Variants in CDH18 observed in about 807,000 individuals in gnomAD.
The protein encoded by CDH18 is cadherin 18, also known as cadherin-18.
Under a neutral mutation model 67.9 loss-of-function variants are expected in CDH18, and 31 were observed. The observed-to-expected ratio is 0.46, with a 90% CI of 0.34 to 0.62. The LOEUF is 0.62. Among genes scored for constraint, CDH18 ranks in the 20% least tolerant of loss-of-function variants. The probability of loss-of-function intolerance (pLI) is 0.01; values close to 1 mark genes in which losing one functional copy is unlikely to be tolerated. For synonymous variants in CDH18, 362 were observed against 347.2 expected (o/e 1.04, Z -0.48); for missense variants, 890 against 975.5 (o/e 0.91, Z 1.17).
intron 11 of CDH18, among the ~76,000 whole-genome samples, chr5:19,496,500 G>C (rs1579807658): frequency 6.6e-6 from 1 of 152,114 alleles, no homozygotes; most frequent in East Asian, 1.9e-4. Context: ...GTCCCATGAA[G>C]GAATTAATGC....
intron 1 of CDH18, among the ~76,000 whole-genome samples, chr5:20,423,672 G>T (rs1202841912): frequency 1.3e-5 from 2 of 150,962 alleles, no homozygotes; most frequent in African/African-American, 5.0e-5. Flanking sequence ...GAGGCCGGGC[G>T]CGGTGGCTCA....
At chr5:19,596,264 G>A (rs1180426373) in intron 6 of CDH18, among the ~76,000 whole-genome samples, 1 of 152,200 alleles carries the variant, frequency 6.6e-6, no homozygotes, top group East Asian at 1.9e-4. Flanking sequence ...TCAAAGAGAA[G>A]CCATGTGATT....
At chr5:20,382,487 C>T (rs1407052487) in intron 1 of CDH18, among the ~76,000 whole-genome samples, 1 of 152,012 alleles carries the variant, frequency 6.6e-6, no homozygotes, top group Non-Finnish European at 1.5e-5. Flanking sequence ...GCCAGAGTCA[C>T]TGTAGCTGTT....
intron 6 of CDH18, among the ~76,000 whole-genome samples, chr5:19,600,452 T>C (rs897466280): frequency 3.3e-5 from 5 of 151,430 alleles, no homozygotes; most frequent in Non-Finnish European, 7.4e-5. Flanking sequence ...AGCTGTTCTC[T>C]ATAACACTAA....
chr5:20,130,401 G>GTT (rs4002156), intron 2 of CDH18, among the ~76,000 whole-genome samples: 6 of 143,862 alleles, frequency 4.2e-5, no homozygotes, highest in African/African-American at 1.3e-4. Context: ...CTCTTCCTTA[G>GTT]TTTTTTTTTT....
At chr5:19,506,716 A>G (rs1561222364) in intron 10 of CDH18, among the ~76,000 whole-genome samples, 1 of 152,246 alleles carries the variant, frequency 6.6e-6, no homozygotes, top group East Asian at 1.9e-4. Flanking sequence ...GAAAGCTGAA[A>G]CTGGATCCCT....
At chr5:19,587,086 T>A (rs965666813) in intron 7 of CDH18, among the ~76,000 whole-genome samples, 1 of 152,110 alleles carries the variant, frequency 6.6e-6, no homozygotes, top group Admixed American at 6.5e-5. Flanking sequence ...ACATTTAAGA[T>A]ACTTATAGAT....
intron 3 of CDH18, among the ~76,000 whole-genome samples, chr5:19,779,397 G>A (rs1774824878): frequency 6.6e-6 from 1 of 152,142 alleles, no homozygotes; most frequent in South Asian, 2.1e-4. Flanking sequence ...GTTTTAAGTG[G>A]AGAATAAATT....
At position 20,007,950 on chromosome 5, in the gene CDH18, G is replaced by A. The variant is rs191959484; in HGVS notation, c.-517-15936C>T. ...AGCAGAATTGAGTAGTTTTGACAGAGACCATATGGCCTGCAAAGCTCAAAA... is the reference window on the plus strand; with the variant it reads ...AGCAGAATTGAGTAGTTTTGACAGAAACCATATGGCCTGCAAAGCTCAAAA... On this transcript the variant is annotated intron_variant, in intron 2 of 14. Transcript: ENST00000507958. 2.4e-4 allele frequency among the ~76,000 whole-genome samples: 36 copies of A among 152,080 alleles called. No individual in the cohort carries two copies. The East Asian group carries it at 6.8e-3, about 29-fold the overall frequency.
At position 19,984,750 on chromosome 5, in the gene CDH18, C is replaced by T. The variant is rs181791473; in HGVS notation, c.-376+3336G>A. On this transcript the variant is annotated intron_variant, in intron 1 of 12. Transcript: ENST00000382275. ...AAGAAAATGGCCTACAGATCAGACA[C>T]GCATGATGCGTTAATCCATGTCAGT... Among the ~76,000 whole-genome samples, 309 of 152,282 alleles carry T rather than the reference C, an allele frequency of 2.0e-3. 6 individuals are homozygous for T. Among genetic ancestry groups the T allele is most frequent in the Non-Finnish European group, 4.7e-4 (32 of 68,012 alleles).
chr5:20,366,610 C>A (rs1031291602), intron 1 of CDH18, among the ~76,000 whole-genome samples: 2 of 152,192 alleles, frequency 1.3e-5, no homozygotes, highest in African/African-American at 4.8e-5. Context: ...TGGCAAGCGG[C>A]TTTACCTCTT....
At chr5:19,572,823 C>T (rs1741674034) in intron 7 of CDH18, among the ~76,000 whole-genome samples, 1 of 152,200 alleles carries the variant, frequency 6.6e-6, no homozygotes, top group Admixed American at 6.5e-5. Context: ...CAGTTCATAG[C>T]AACCAAGCAA....
chr5:20,281,722 T>C (rs917852785), intron 1 of CDH18, among the ~76,000 whole-genome samples: 29 of 152,180 alleles, frequency 1.9e-4, no homozygotes, highest in Non-Finnish European at 3.7e-4. Context: ...AACTTTAAAA[T>C]AGTTTTTTTC....
chr5:19,570,175 T>C (rs1272825530), intron 8 of CDH18, among the ~76,000 whole-genome samples: 1 of 152,106 alleles, frequency 6.6e-6, no homozygotes, highest in Non-Finnish European at 1.5e-5. Flanking sequence ...ATTAAAAACA[T>C]GGCATTCTAT....
chr5:20,082,603 C>T (rs555280737), intron 2 of CDH18, among the ~76,000 whole-genome samples: 53 of 152,092 alleles, frequency 3.5e-4, no homozygotes, highest in Middle Eastern at 3.4e-3. Context: ...GAGTTGTGTC[C>T]CTCAAGAAAG....
intron 1 of CDH18, among the ~76,000 whole-genome samples, chr5:20,389,817 C>T (rs980456730): frequency 6.6e-6 from 1 of 151,984 alleles, no homozygotes; most frequent in Non-Finnish European, 1.5e-5. Flanking sequence ...AGAACAGAGC[C>T]CTCAGAAACA....
intron 5 of CDH18, among the ~76,000 whole-genome samples, chr5:19,709,082 T>C (rs927095746): frequency 2.0e-5 from 3 of 152,164 alleles, no homozygotes; most frequent in Admixed American, 2.0e-4. Flanking sequence ...TTATTACCCA[T>C]GAACCAATCA....
chr5:19,885,663 T>C (rs539461012), intron 2 of CDH18, among the ~76,000 whole-genome samples: 4 of 152,210 alleles, frequency 2.6e-5, no homozygotes, highest in East Asian at 1.9e-4. Flanking sequence ...CGGGCTCAAG[T>C]AATCCTCCTG....
intron 1 of CDH18, among the ~76,000 whole-genome samples, chr5:20,496,227 T>A (rs1753897091): frequency 6.6e-6 from 1 of 152,084 alleles, no homozygotes; most frequent in Admixed American, 6.6e-5. Flanking sequence ...ACCCCCTGGG[T>A]AAAATAAACA....
Sources: allele counts gnomAD v4.1 joint callset (sites outside exome capture counted in the v4.1 genomes callset), GRCh38; gene constraint gnomAD v4.1.1; transcripts MANE v1.5; gene names NCBI Gene and HGNC (gene_info 2026-07-23, HGNC 2026-07-21).